Variants in MEGF9 observed in about 807,000 individuals in gnomAD.
The protein encoded by MEGF9 is multiple EGF like domains 9, also known as multiple epidermal growth factor-like domains protein 9.
In MEGF9, 6 loss-of-function variants were observed where a neutral mutation model predicts 46.8. The observed-to-expected ratio is 0.13, with a 90% confidence interval of 0.07 to 0.25. MEGF9 has a LOEUF of 0.25. Ranked by LOEUF, MEGF9 falls within the 10% of genes least tolerant of loss-of-function variation. The pLI, the probability that MEGF9 is intolerant of heterozygous loss-of-function variation, is 1.00. For synonymous variants in MEGF9, 302 were observed against 330.7 expected (o/e 0.91, Z 0.94); for missense variants, 683 against 792.4 (o/e 0.86, Z 1.66).
intron 5 of MEGF9, 30 bp downstream of exon 5, chr9:120,607,711 A>G: frequency 6.2e-7 from 1 of 1,600,920 alleles, no homozygotes. Flanking sequence ...TTTAGATATT[A>G]AATTTACAAT....
intron 1 of MEGF9, among the ~76,000 whole-genome samples, chr9:120,668,859 A>C (rs1053269945): frequency 3.3e-5 from 5 of 152,182 alleles, no homozygotes; most frequent in Non-Finnish European, 7.3e-5. Flanking sequence ...AGTACCAAAG[A>C]AGAGACTGAA....
At chr9:120,664,584 T>C (rs1326485828) in intron 1 of MEGF9, among the ~76,000 whole-genome samples, 1 of 152,222 alleles carries the variant, frequency 6.6e-6, no homozygotes, top group Non-Finnish European at 1.5e-5. Context: ...GATTACAAAA[T>C]TATTGCATTT....
At chr9:120,646,894 C>T (rs912169903) in intron 2 of MEGF9, among the ~76,000 whole-genome samples, 13 of 151,966 alleles carry the variant, frequency 8.6e-5, no homozygotes, top group African/African-American at 2.7e-4. Flanking sequence ...ATACTATTAG[C>T]ATATATTCAA....
Position 120,656,648 on chromosome 9 carries a change from T to G in MEGF9, c.803+2726A>C, listed in dbSNP as rs1314507377. Among the ~76,000 whole-genome samples, 9 of 152,206 alleles carry G rather than the reference T, an allele frequency of 5.9e-5. 1 individual carries two copies. Among genetic ancestry groups the G allele is most frequent in the Admixed American group, 5.9e-4 (9 of 15,284 alleles). The stretch of plus-strand genomic sequence containing the variant: ...TATGCTCAATAATGGTTCCCATAAT[T>G]ATTTGTATTATCTGTCTAGCAATTG... On this transcript the variant is annotated intron_variant, in intron 2 of 5. Transcript: ENST00000373930.
intron 2 of MEGF9, among the ~76,000 whole-genome samples, chr9:120,630,478 C>T (rs2043545739): frequency 6.6e-6 from 1 of 152,178 alleles, no homozygotes; most frequent in African/African-American, 2.4e-5. Context: ...CATGGGCATG[C>T]AAATATCTCT....
chr9:120,657,212 G>C (rs1171273975), intron 2 of MEGF9, among the ~76,000 whole-genome samples: 4 of 152,216 alleles, frequency 2.6e-5, no homozygotes, highest in African/African-American at 9.6e-5. Flanking sequence ...GGTGGATTAG[G>C]TTCATAGGCC....
At chr9:120,691,498 A>G (rs755042126) in intron 1 of MEGF9, 3 of 406,648 alleles carry the variant, frequency 7.4e-6, no homozygotes, top group South Asian at 5.6e-5. Flanking sequence ...CAGATTTCAA[A>G]TATGCACACT....
chr9:120,683,070 A>G (rs1373417943), intron 1 of MEGF9, among the ~76,000 whole-genome samples: 1 of 152,140 alleles, frequency 6.6e-6, no homozygotes, highest in Admixed American at 6.5e-5. Flanking sequence ...CATATTAGAA[A>G]GGTATATTAG....
intron 2 of MEGF9, among the ~76,000 whole-genome samples, chr9:120,639,735 C>T (rs1224929111): frequency 6.6e-6 from 1 of 152,046 alleles, no homozygotes; most frequent in Non-Finnish European, 1.5e-5. Flanking sequence ...GTAAAAACTA[C>T]CTAAGTGTTG....
intron 3 of MEGF9, among the ~76,000 whole-genome samples, chr9:120,613,751 G>C (rs2043459202): frequency 6.6e-6 from 1 of 151,958 alleles, no homozygotes; most frequent in African/African-American, 2.4e-5. Flanking sequence ...AGATTCAAAG[G>C]GACACTCAGA....
In MEGF9 at chr9:120,607,771, G is replaced by A; in HGVS notation, c.1327C>T (p.His443Tyr). 15 of 1,613,204 alleles carry A rather than the reference G, an allele frequency of 9.3e-6. No individual in the cohort carries two copies. Among genetic ancestry groups the A allele is most frequent in the Non-Finnish European group, 1.2e-5 (14 of 1,179,178 alleles). ...TTGATGCAATTTCCCTCGAGGTCGT[G>A]AACATAACCTTCTAGGCAGTTCTCA... ...WCENCLEGYV[H>Y]DLEGNCIKKE... Residue 443 changes from histidine (H) to tyrosine (Y), a missense_variant, in exon 5 of 6, where the codon CAC becomes TAC. By Grantham distance (83) the His-to-Tyr change is moderately conservative (BLOSUM62 2). Transcript: ENST00000373930.
intron 1 of MEGF9, among the ~76,000 whole-genome samples, chr9:120,663,864 C>T (rs2043713722): frequency 6.6e-6 from 1 of 152,066 alleles, no homozygotes; most frequent in Non-Finnish European, 1.5e-5. Context: ...AAAATCTTGG[C>T]AACATTATTT....
chr9:120,646,258 A>G (rs1041839328), intron 2 of MEGF9, among the ~76,000 whole-genome samples: 1 of 151,846 alleles, frequency 6.6e-6, no homozygotes, highest in African/African-American at 2.4e-5. Context: ...ATCTCTCCCT[A>G]CTTACATCTA....
In MEGF9 at chr9:120,710,032, C is replaced by CA. The variant is rs56208944; in HGVS notation, c.601+3725dup. ...GGGCAAAAAGAGCGAAACTCCGTCT[C>CA]AAAAAAAAAAAAAAAAAAAATCAAA... is the stretch of plus-strand genomic sequence containing the variant. On this transcript the variant is annotated intron_variant, in intron 1 of 5. Coordinates refer to ENST00000373930, the MANE Select transcript of MEGF9 (RefSeq NM_001080497.3). 3.1e-3 allele frequency among the ~76,000 whole-genome samples: 299 copies of CA among 97,856 alleles called. 2 individuals carry two copies. Among genetic ancestry groups the CA allele is most frequent in the Middle Eastern group, 6.0e-3 (1 of 166 alleles). The allele number at this position is 97,856 out of a possible 152,430, so 64.2% of individuals were successfully genotyped here.
At chr9:120,633,640 G>C (rs763761726) in intron 2 of MEGF9, among the ~76,000 whole-genome samples, 11 of 151,854 alleles carry the variant, frequency 7.2e-5, no homozygotes, top group Non-Finnish European at 1.5e-4. Context: ...CTAATTTTGA[G>C]TTTTGTTTTT....
intron 1 of MEGF9, among the ~76,000 whole-genome samples, chr9:120,674,271 T>C (rs542576720): frequency 7.2e-5 from 11 of 152,170 alleles, no homozygotes; most frequent in African/African-American, 1.9e-4. Context: ...CAAGAATATA[T>C]AAAGAACCCT....
At chr9:120,607,340 G>A (rs1479172833) in intron 5 of MEGF9, among the ~76,000 whole-genome samples, 1 of 152,200 alleles carries the variant, frequency 6.6e-6, no homozygotes, top group Non-Finnish European at 1.5e-5. Context: ...ATGCTAGAAT[G>A]AACTCCAGCT....
chr9:120,695,511 G>A (rs918246520), intron 1 of MEGF9, among the ~76,000 whole-genome samples: 1 of 149,104 alleles, frequency 6.7e-6, no homozygotes, highest in Admixed American at 6.7e-5. Context: ...GGCTAAGGCA[G>A]GAGAATCGCT....
At chr9:120,681,539 C>T (rs151213807) in intron 1 of MEGF9, among the ~76,000 whole-genome samples, 1 of 150,864 alleles carries the variant, frequency 6.6e-6, no homozygotes, top group African/African-American at 2.4e-5. Flanking sequence ...ATGTGCATTT[C>T]TTTTTATAAT....
Sources: gnomAD v4.1 joint callset for allele counts (sites outside exome capture counted in the v4.1 genomes callset) on GRCh38, gnomAD v4.1.1 for gene constraint, MANE v1.5 for transcripts, NCBI Gene and HGNC (gene_info 2026-07-23, HGNC 2026-07-21) for gene names.